ARCN1: variants seen among roughly 807,000 people sequenced by gnomAD.
The protein encoded by ARCN1 is archain 1 coat protein complex I subunit delta, also known as coatomer subunit delta.
In ARCN1, 5 loss-of-function variants were observed where a neutral mutation model predicts 60.4. That is an observed-to-expected ratio of 0.08 (90% CI 0.04 to 0.17). The LOEUF (loss-of-function observed/expected upper bound fraction) is 0.17. ARCN1 is among the 10% of genes least tolerant of loss of function. ARCN1 has a pLI of 1.00. For synonymous variants in ARCN1, 224 were observed against 220.0 expected, an observed-to-expected ratio of 1.02 and a Z score of -0.16; for missense variants, 464 against 626.5, an observed-to-expected ratio of 0.74 and a Z score of 2.77.
At chr11:118,575,819 T>C (rs1938482972) in intron 1 of ARCN1, among the ~76,000 whole-genome samples, 1 of 152,188 alleles carries the variant, frequency 6.6e-6, no homozygotes, top group African/African-American at 2.4e-5. Flanking sequence ...ATACCACCTG[T>C]TATTCTTGTA....
rs558714900 is a variant in ARCN1 at position 118,602,858 on chromosome 11, A to G, written c.*2144A>G. The G allele has an allele frequency of 6.5e-6, 1 of 153,848 alleles. No individual in the cohort carries two copies. The highest frequency in any genetic ancestry group is 2.1e-4 in the South Asian group (1 of 4,824). 9.5% of individuals were successfully genotyped at this position (153,848 alleles called of 1,614,324 possible). A position where few individuals can be genotyped will look rare whatever the true frequency, so the allele number is the denominator to read the frequency against. On this transcript the variant is annotated 3_prime_UTR_variant, in exon 10 of 10. Coordinates refer to ENST00000264028, the MANE Select transcript of ARCN1 (RefSeq NM_001655.5). ...CATTTTGTAACCCTGTAAAATACAT[A>G]GGGAATATAACATTCCAGTGTATAC...
Position 118,588,943 on chromosome 11 carries a change from G to A in ARCN1, c.819-1398G>A, listed in dbSNP as rs1423346179. ...TGAGACAGGAGAATCACTTGAACCC[G>A]GGAGGCAGAGGTTGCAGTGAGCCGA... On this transcript the variant is annotated intron_variant, in intron 5 of 9. Transcript: ENST00000264028. Among the ~76,000 whole-genome samples, 6 of 152,072 alleles carry A rather than the reference G, an allele frequency of 3.9e-5. No homozygotes were observed. The East Asian group carries it at 7.7e-4, about 20-fold the overall frequency.
Position 118,597,697 on chromosome 11 carries a change from C to G in ARCN1, c.1242-10C>G, listed in dbSNP as rs1555077412. On this transcript the variant is annotated splice_polypyrimidine_tract_variant and intron_variant, in intron 8 of 9. Transcript: ENST00000264028. ...AACAGCTACCTTGACCAGAATGTTT[C>G]TCACAACAGGTCTGGTGTCGGCGCG... 2.5e-6 allele frequency: 4 copies of G among 1,613,476 alleles called. No homozygotes were observed. The African/African-American group carries it at 5.3e-5, about 22-fold the overall frequency.
At chr11:118,593,391 CTTTT>C (rs57568260) in intron 7 of ARCN1, among the ~76,000 whole-genome samples, 195 bp from the exon 8 acceptor site, 2 of 120,990 alleles carry the variant, frequency 1.7e-5, no homozygotes, top group African/African-American at 3.2e-5. Flanking sequence ...CCACGCCTGG[CTTTT>C]TTTTTTTTTT....
intron 4 of ARCN1, 55 bp from the exon 5 acceptor site, chr11:118,584,425 T>C: frequency 2.6e-6 from 4 of 1,525,272 alleles, no homozygotes; most frequent in South Asian, 1.3e-5. Flanking sequence ...CATCAGATCA[T>C]GTGTGCTTGT....
chr11:118,585,174 G>T (rs1555075304), intron 5 of ARCN1, among the ~76,000 whole-genome samples: 1 of 151,788 alleles, frequency 6.6e-6, no homozygotes, highest in Non-Finnish European at 1.5e-5. Flanking sequence ...TGTTGTCTAG[G>T]CTGGCCTCCA....
intron 5 of ARCN1, among the ~76,000 whole-genome samples, chr11:118,588,415 G>C (rs1217579455): frequency 6.6e-6 from 1 of 152,190 alleles, no homozygotes; most frequent in African/African-American, 2.4e-5. Context: ...TATAATAAGG[G>C]ATATGGGAGT....
Position 118,583,377 on chromosome 11 carries a change from G to C in ARCN1, c.447+19G>C. ...CAGAGAGGTAAATAGGATCTTCTCT[G>C]GGACTACCTGTTTGTATGTCTTTCT... On this transcript the variant is annotated intron_variant, in intron 3 of 9. Coordinates refer to ENST00000264028, the MANE Select transcript of ARCN1 (RefSeq NM_001655.5). 6.3e-7 allele frequency: 1 copy of C among 1,588,186 alleles called. No homozygotes were observed.
intron 5 of ARCN1, among the ~76,000 whole-genome samples, chr11:118,585,699 T>C (rs11216914): frequency 0.16 from 23,645 of 151,774 alleles, 2,379 homozygotes; most frequent in East Asian, 0.52. Flanking sequence ...ACCACCACGC[T>C]GGGCTAATTT....
intron 2 of ARCN1, among the ~76,000 whole-genome samples, chr11:118,582,766 C>T (rs565039498): frequency 6.7e-5 from 10 of 148,542 alleles, no homozygotes; most frequent in South Asian, 4.3e-4. Flanking sequence ...TTAGGCTGGG[C>T]GCAGTGGCTC....
At chr11:118,572,953 CTGGT>C (rs1938385333) in intron 1 of ARCN1, 1 of 224,500 alleles carries the variant, frequency 4.5e-6, no homozygotes, top group African/African-American at 2.3e-5. Flanking sequence ...TCCGGAGGTT[CTGGT>C]CCTTCTGTTA....
rs1938962965 is a variant in ARCN1, at chr11:118,593,687, C to G, written c.1230C>G (p.Thr410=). ...DNLELNDVVI[T]IPLPSGVGAP... is the part of the protein sequence containing the mutation. ...TAGAACTGAATGATGTGGTTATCACCATCCCACTCCCGTAAGTGCTGTCCC... is the reference window on the plus strand; with the variant it reads ...TAGAACTGAATGATGTGGTTATCACGATCCCACTCCCGTAAGTGCTGTCCC... The change falls in exon 8 of 10, where the codon ACC becomes ACG. Residue 410 remains threonine, a synonymous_variant. Coordinates refer to ENST00000264028, the MANE Select transcript of ARCN1 (RefSeq NM_001655.5). 1 of 1,607,486 alleles carries G rather than the reference C, an allele frequency of 6.2e-7. No homozygotes were observed. The highest frequency in any genetic ancestry group is 1.3e-5 in the African/African-American group (1 of 74,854).
chr11:118,596,933 G>C (rs2135555731), intron 8 of ARCN1, among the ~76,000 whole-genome samples: 1 of 152,306 alleles, frequency 6.6e-6, no homozygotes, highest in African/African-American at 2.4e-5. Context: ...TTCTCGGCCG[G>C]GTGCGGTGGC....
rs554496720 is a variant in ARCN1, at chr11:118,602,188, C to G, written c.*1474C>G. The G allele has an allele frequency of 6.4e-6, 1 of 157,048 alleles. No individual in the cohort carries two copies. The highest frequency in any genetic ancestry group is 6.3e-5 in the Admixed American group (1 of 15,794). The allele number at this position is 157,048 out of a possible 1,614,324, so 9.7% of individuals were successfully genotyped here. A position where few individuals can be genotyped will look rare whatever the true frequency, so the allele number is the denominator to read the frequency against. Reference sequence around the variant, plus strand: ...CATATTACTCACGTATACCCCATTTCCTTCCAGTCAGCCCAACATTTTCCA... The same window carrying G: ...CATATTACTCACGTATACCCCATTTGCTTCCAGTCAGCCCAACATTTTCCA... On this transcript the variant is annotated 3_prime_UTR_variant, in exon 10 of 10. Coordinates refer to ENST00000264028, the MANE Select transcript of ARCN1 (RefSeq NM_001655.5).
intron 6 of ARCN1, among the ~76,000 whole-genome samples, chr11:118,591,698 GT>G (rs781009989): frequency 2.0e-5 from 3 of 149,858 alleles, no homozygotes; most frequent in African/African-American, 7.3e-5. Context: ...GCCCTTCTGG[GT>G]TTTTTTTGTT....
chr11:118,583,520 G>C (rs1212695106), intron 3 of ARCN1, among the ~76,000 whole-genome samples, 162 bp downstream of exon 3: 1 of 152,162 alleles, frequency 6.6e-6, no homozygotes, highest in Non-Finnish European at 1.5e-5. Flanking sequence ...TTGGGAGGCG[G>C]AAGTGGGAGT....
intron 4 of ARCN1, among the ~76,000 whole-genome samples, 158 bp from the exon 5 acceptor site, chr11:118,584,318 CATTG>C (rs1555075142): frequency 6.6e-6 from 1 of 152,074 alleles, no homozygotes; most frequent in Non-Finnish European, 1.5e-5. Flanking sequence ...TCTTGATGTT[CATTG>C]ATTGATTTTA....
rs1555072624 is a variant in ARCN1 at position 118,572,541 on chromosome 11, C to T, written c.-7C>T. On this transcript the variant is annotated 5_prime_UTR_variant, in exon 1 of 10. Transcript: ENST00000264028. The stretch of plus-strand genomic sequence containing the variant: ...GAGTGCGGGCGCGCCCCACCACCGC[C>T]CTCACCATGGTAAGATCCGAGCCAG... 1.9e-6 allele frequency: 3 copies of T among 1,611,620 alleles called. No homozygotes were observed. Among genetic ancestry groups the T allele is most frequent in the Non-Finnish European group, 8.5e-7 (1 of 1,179,266 alleles).
chr11:118,581,497 C>T lies in ARCN1; in HGVS notation c.255C>T (p.Leu85=), dbSNP rs1289789795. The part of the protein sequence containing the change: ...NILEDLETLR[L]FSRVIPEYCR... The stretch of plus-strand genomic sequence containing the variant: ...TAGAAGATTTGGAGACCCTAAGGCT[C>T]TTCTCAAGAGTGGTAAGAGTACTGC... The change falls in exon 2 of 10, where the codon CTC becomes CTT. Residue 85 remains leucine (L), a synonymous_variant. Coordinates refer to ENST00000264028, the MANE Select transcript of ARCN1 (RefSeq NM_001655.5). 5.0e-6 allele frequency: 8 copies of T among 1,612,496 alleles called. No homozygotes were observed. The highest frequency in any genetic ancestry group is 2.7e-5 in the African/African-American group (2 of 74,794).
Sources: gnomAD v4.1 joint callset for allele counts (sites outside exome capture counted in the v4.1 genomes callset) on GRCh38, gnomAD v4.1.1 for gene constraint, MANE v1.5 for transcripts, NCBI Gene and HGNC (gene_info 2026-07-23, HGNC 2026-07-21) for gene names.